Variants in PROZ observed in about 807,000 individuals in gnomAD.
PROZ encodes protein Z, vitamin K dependent plasma glycoprotein, also known as vitamin K-dependent protein Z.
A neutral mutation model predicts 34.9 loss-of-function variants in PROZ; 46 were observed. That is an observed-to-expected ratio of 1.32 (90% CI 1.04 to 1.69). The LOEUF is 1.69. Ranked by LOEUF, PROZ falls within the 40% of genes most tolerant of loss-of-function variation. The pLI is 0.00. For missense variants in PROZ, 530 were observed against 520.4 expected, an observed-to-expected ratio of 1.02 and a Z score of -0.18; for synonymous variants, 195 against 208.5, an observed-to-expected ratio of 0.94 and a Z score of 0.56.
At chr13:113,160,746 A>G (rs2036745544) in intron 2 of PROZ, among the ~76,000 whole-genome samples, 1 of 152,186 alleles carries the variant, frequency 6.6e-6, no homozygotes, top group Non-Finnish European at 1.5e-5. Flanking sequence ...GTTGAGTAAT[A>G]TATCTTACAG....
At position 113,159,877 on chromosome 13, in the gene PROZ, C is replaced by T; in HGVS notation, c.71-137C>T. The T allele has an allele frequency of 9.7e-7, 1 of 1,027,752 alleles. No homozygotes were observed. The allele number at this position is 1,027,752 out of a possible 1,614,324, so 63.7% of individuals were successfully genotyped here. A position where few individuals can be genotyped will look rare whatever the true frequency, so the allele number is the denominator to read the frequency against. The stretch of plus-strand genomic sequence containing the variant: ...CGGGGGAGGGAGTAGCGGGGTGGCC[C>T]TGAGGCCCTCGCAGGCTGAGAGCCT... On this transcript the variant is annotated intron_variant, in intron 1 of 7. Transcript: ENST00000375547. This position sits in a 1 kb window ranked among gnomAD's most constrained non-coding sequence, Gnocchi z 4.6.
intron 2 of PROZ, among the ~76,000 whole-genome samples, chr13:113,160,524 T>C (rs525644): frequency 0.95 from 144,086 of 152,286 alleles, 68,600 homozygotes; most frequent in East Asian, 1. Flanking sequence ...CCAAACTAAG[T>C]GTCCCCACTC....
At position 113,171,938 on chromosome 13, in the gene PROZ, G is replaced by A. The variant is rs750249530; in HGVS notation, c.1036G>A (p.Val346Met). 4.1e-5 allele frequency: 66 copies of A among 1,613,624 alleles called. No homozygotes were observed. Among genetic ancestry groups the A allele is most frequent in the African/African-American group, 1.6e-4 (12 of 74,932 alleles). Residue 346 changes from valine (V) to methionine (M), a missense_variant, in exon 8 of 8, where the codon GTG becomes ATG. Val to Met is a conservative substitution (Grantham distance 21). Coordinates refer to ENST00000375547, the MANE Select transcript of PROZ (RefSeq NM_003891.3). The surrounding 1 kb of genome is among the most constrained non-coding windows in gnomAD (Gnocchi z 5.1). ...TTRTYCERSS[V>M]AAMHWMDGSV... ...CAGGACCTACTGTGAGAGAAGCAGC[G>A]TGGCGGCCATGCACTGGATGGATGG...
rs1162492582 is a variant in PROZ at position 113,171,027 on chromosome 13, A to G, written c.691+497A>G. On this transcript the variant is annotated intron_variant, in intron 7 of 7. Coordinates refer to ENST00000375547, the MANE Select transcript of PROZ (RefSeq NM_003891.3). This position sits in a 1 kb window ranked among gnomAD's most constrained non-coding sequence, Gnocchi z 5.1. ...AACCTCTGCCTCCTGGGTTCAAGCG[A>G]TTCTCATGCCTCAGCCTCCCGAGTA... Among the ~76,000 whole-genome samples, 2 of 151,608 alleles carry G rather than the reference A, an allele frequency of 1.3e-5. No individual in the cohort carries two copies. Among genetic ancestry groups the G allele is most frequent in the Non-Finnish European group, 2.9e-5 (2 of 67,972 alleles).
chr13:113,163,115 C>G lies in PROZ; in HGVS notation c.366C>G (p.Cys122Trp). The change falls in exon 4 of 8, where the codon TGC (cysteine) becomes TGG (tryptophan). Residue 122 changes from cysteine (C) to tryptophan (W), a missense_variant. By Grantham distance (215) the Cys-to-Trp change is radical (BLOSUM62 -2). Transcript: ENST00000375547. Reference protein sequence around the residue: ...TCSPGYEGSNCELAKNECHPE... With the variant: ...TCSPGYEGSNWELAKNECHPE... ...CCCCCGGCTATGAGGGCAGCAACTG[C>G]GAGCTGGGTGAGGCCCCGGCCGTCC... is the stretch of plus-strand genomic sequence containing the variant. The G allele has an allele frequency of 6.4e-7, 1 of 1,552,152 alleles. No homozygotes were observed.
chr13:113,163,959 A>C (rs902307161), intron 4 of PROZ, among the ~76,000 whole-genome samples: 1 of 98,198 alleles, frequency 1.0e-5, no homozygotes, highest in Non-Finnish European at 2.1e-5. Flanking sequence ...GTCATCACTC[A>C]TGGAGTCTTT....
Position 113,160,990 on chromosome 13 carries a change from T to C in PROZ, c.259+18T>C. ...ATATAAGGGTAAGTGGTTTCCTTCG[T>C]CTCCTCAGAAGTATTAATTCCTCGG... On this transcript the variant is annotated intron_variant, in intron 3 of 7. Transcript: ENST00000375547. 1.2e-6 allele frequency: 2 copies of C among 1,602,932 alleles called. No individual in the cohort carries two copies. Among genetic ancestry groups the C allele is most frequent in the Non-Finnish European group, 1.7e-6 (2 of 1,170,564 alleles).
At chr13:113,169,670 C>A (rs1032522081) in intron 6 of PROZ, among the ~76,000 whole-genome samples, 1 of 152,212 alleles carries the variant, frequency 6.6e-6, no homozygotes, top group African/African-American at 2.4e-5. Context: ...TGAAGTGAAA[C>A]CCTTCTATGC....
rs2037132523 is a variant in PROZ at position 113,172,344 on chromosome 13, T to C, written c.*239T>C. On this transcript the variant is annotated 3_prime_UTR_variant, in exon 8 of 8. Transcript: ENST00000375547. The stretch of plus-strand genomic sequence containing the variant: ...AGAGACCTTAAAAGAAAACATGAGA[T>C]ACGTTAAATAATAAAATAAGATAAT... 1.8e-6 allele frequency: 1 copy of C among 561,328 alleles called. No individual in the cohort carries two copies. The highest frequency in any genetic ancestry group is 3.2e-6 in the Non-Finnish European group (1 of 315,098). The allele number at this position is 561,328 out of a possible 1,614,324, so 34.8% of individuals were successfully genotyped here.
rs1166016191 is a variant in PROZ, at chr13:113,164,493, T to TG, written c.374-20_374-19insG. ...GACTATTTCCAAGCTAGCATTTCCT[T>TG]TTTTTTTTTTCCTTTTCAGCTAAAA... On this transcript the variant is annotated intron_variant, in intron 4 of 7. Transcript: ENST00000375547. The TG allele has an allele frequency of 2.0e-6, 3 of 1,475,600 alleles. No individual in the cohort carries two copies. The South Asian group carries it at 3.5e-5, about 17-fold the overall frequency. 91.4% of individuals were successfully genotyped at this position (1,475,600 alleles called of 1,614,324 possible). A position where few individuals can be genotyped will look rare whatever the true frequency, so the allele number is the denominator to read the frequency against.
intron 4 of PROZ, 83 bp downstream of exon 4, chr13:113,163,205 C>T (rs2036797983): frequency 1.7e-6 from 2 of 1,164,956 alleles, no homozygotes; most frequent in Non-Finnish European, 2.5e-6. Flanking sequence ...CCAATGGGCC[C>T]CTCCTGAGGT....
chr13:113,164,843 C>A (rs1188572068), intron 5 of PROZ, among the ~76,000 whole-genome samples, 199 bp downstream of exon 5: 1 of 152,270 alleles, frequency 6.6e-6, no homozygotes, highest in Non-Finnish European at 1.5e-5. Flanking sequence ...CTTGCTCGGA[C>A]CACTCTGAGC....
chr13:113,165,283 T>C, intron 6 of PROZ, 163 bp downstream of exon 6: 1 of 721,280 alleles, frequency 1.4e-6, no homozygotes, highest in Non-Finnish European at 2.5e-6. Context: ...AACCATGTTC[T>C]AATGCCGAGT....
rs2037133068 is a variant in PROZ, at chr13:113,172,349, TA to T, written c.*247del. The stretch of plus-strand genomic sequence containing the variant: ...CCTTAAAAGAAAACATGAGATACGT[TA>T]AATAATAAAATAAGATAATCTGTCA... On this transcript the variant is annotated 3_prime_UTR_variant, in exon 8 of 8. Transcript: ENST00000375547. The T allele has an allele frequency of 3.6e-6, 2 of 550,776 alleles. No homozygotes were observed. Among genetic ancestry groups the T allele is most frequent in the Non-Finnish European group, 3.2e-6 (1 of 308,590 alleles). The allele number at this position is 550,776 out of a possible 1,614,324, so 34.1% of individuals were successfully genotyped here. A position where few individuals can be genotyped will look rare whatever the true frequency, so the allele number is the denominator to read the frequency against.
intron 6 of PROZ, among the ~76,000 whole-genome samples, chr13:113,167,092 GAAT>G (rs2138595915): frequency 6.6e-6 from 1 of 152,320 alleles, no homozygotes; most frequent in Admixed American, 6.5e-5. Flanking sequence ...TTGAAAAGGA[GAAT>G]AATTAAGTGA....
intron 2 of PROZ, among the ~76,000 whole-genome samples, chr13:113,160,628 C>T (rs912956145): frequency 2.4e-4 from 37 of 152,092 alleles, no homozygotes; most frequent in African/African-American, 8.0e-4. Context: ...TGGAGGGTGG[C>T]GTGGAGATTG....
In PROZ at chr13:113,164,597, C is replaced by G; in HGVS notation, c.458C>G (p.Ala153Gly). Residue 153 changes from alanine (A) to glycine (G), a missense_variant, in exon 5 of 8, where the codon GCT (alanine) becomes GGT (glycine). Coordinates refer to ENST00000375547, the MANE Select transcript of PROZ (RefSeq NM_003891.3). ...CAGGAATCCTACACATGCAGCTGTG[C>G]TCAGGGCTACAGGCTTGGTGAGGAC... The part of the protein sequence containing the change: ...PGQESYTCSC[A>G]QGYRLGEDHK... 1 of 1,613,882 alleles carries G rather than the reference C, an allele frequency of 6.2e-7. No homozygotes were observed. The highest frequency in any genetic ancestry group is 8.5e-7 in the Non-Finnish European group (1 of 1,179,982).
At chr13:113,162,853 C>G (rs188680432) in intron 3 of PROZ, among the ~76,000 whole-genome samples, 156 bp from the exon 4 acceptor site, 291 of 148,924 alleles carry the variant, frequency 2.0e-3, no homozygotes, top group African/African-American at 7.1e-3. Context: ...ACCCCACCCT[C>G]CTCCTGCTCA....
chr13:113,170,830 G>A (rs934238301), intron 7 of PROZ, among the ~76,000 whole-genome samples: 1 of 151,944 alleles, frequency 6.6e-6, no homozygotes, highest in Non-Finnish European at 1.5e-5. Context: ...ATGGATAATT[G>A]GCTAAAAATC....
Sources: gnomAD v4.1 joint callset for allele counts (sites outside exome capture counted in the v4.1 genomes callset) on GRCh38, gnomAD v4.1.1 for gene constraint, Gnocchi (gnomAD v3.1) non-coding constraint, MANE v1.5 for transcripts, NCBI Gene and HGNC (gene_info 2026-07-23, HGNC 2026-07-21) for gene names.